TLN1: variants seen among roughly 807,000 people sequenced by gnomAD.
TLN1 encodes talin 1, also known as talin-1.
In TLN1, 56 loss-of-function variants were observed where a neutral mutation model predicts 292.3. The observed-to-expected ratio is 0.19, with a 90% CI of 0.15 to 0.24. TLN1 has a LOEUF of 0.24. Ranked by LOEUF, TLN1 falls within the 10% of genes least tolerant of loss-of-function variation. The pLI is 1.00. For synonymous variants in TLN1, 1,119 were observed against 1,253.7 expected, an observed-to-expected ratio of 0.89 and a Z score of 2.27; for missense variants, 2,433 against 3,248.2, an observed-to-expected ratio of 0.75 and a Z score of 6.10.
rs768737732 is a variant in TLN1 at position 35,717,365 on chromosome 9, C to T, written c.2239G>A (p.Val747Met). 1.5e-5 allele frequency: 25 copies of T among 1,614,188 alleles called. No individual in the cohort carries two copies. The highest frequency in any genetic ancestry group is 2.1e-5 in the Non-Finnish European group (25 of 1,180,028). Reference sequence around the variant, plus strand: ...TGGGAGGCAGACACACAGCCCTCCACGGCTTTGGCTACCAGTCGTCCAGCC... The same window carrying T: ...TGGGAGGCAGACACACAGCCCTCCATGGCTTTGGCTACCAGTCGTCCAGCC... ...VEAGRLVAKA[V>M]EGCVSASQAA... The change falls in exon 19 of 57, where the codon GTG becomes ATG. Residue 747 changes from valine (V) to methionine (M), a missense_variant. Transcript: ENST00000314888. The surrounding 1 kb of genome is among the most constrained non-coding windows in gnomAD (Gnocchi z 4.7).
intron 48 of TLN1, among the ~76,000 whole-genome samples, chr9:35,701,690 T>G (rs1825469343): frequency 1.3e-5 from 2 of 152,200 alleles, no homozygotes; most frequent in South Asian, 4.1e-4. Context: ...AGTTAAGGAC[T>G]GATGATGGTT....
rs760027665 is a variant in TLN1, at chr9:35,700,223, G to A, written c.6628C>T (p.Arg2210Cys). Residue 2210 changes from arginine to cysteine, a missense_variant, in exon 49 of 57, where the codon CGT becomes TGT. This residue lies in a region of TLN1 where 1,384 missense variants were observed against 1,699.6 expected (regional missense o/e 0.81). Coordinates refer to ENST00000314888, the MANE Select transcript of TLN1 (RefSeq NM_006289.4). ...GCCCGAAGCATATCTGCAATAGCAC[G>A]GCGGCTCAGATTGGCTGTGGCAATG... ...DVIATANLSR[R>C]AIADMLRACK... The A allele has an allele frequency of 8.1e-6, 13 of 1,610,812 alleles. No individual in the cohort carries two copies. The highest frequency in any genetic ancestry group is 1.6e-4 in the Middle Eastern group (1 of 6,074).
In TLN1 at chr9:35,705,687, G is replaced by A. The variant is rs902863943; in HGVS notation, c.5614-17C>T. 40 of 1,613,038 alleles carry A rather than the reference G, an allele frequency of 2.5e-5. No individual in the cohort carries two copies. Among genetic ancestry groups the A allele is most frequent in the Non-Finnish European group, 3.1e-5 (37 of 1,179,126 alleles). ...CTTGGTAACCTGGTGATAATGGAAC[G>A]AGTGAAGTTATATCCAAAGTCAGCT... On this transcript the variant is annotated splice_polypyrimidine_tract_variant and intron_variant, in intron 42 of 56. Coordinates refer to ENST00000314888, the MANE Select transcript of TLN1 (RefSeq NM_006289.4).
intron 43 of TLN1, among the ~76,000 whole-genome samples, 169 bp downstream of exon 43, chr9:35,705,382 G>A (rs1419778765): frequency 6.6e-6 from 1 of 152,128 alleles, no homozygotes. Flanking sequence ...GTGACTGAAG[G>A]CTTTGATCCT....
At position 35,724,653 on chromosome 9, in the gene TLN1, T is replaced by C; in HGVS notation, c.430A>G (p.Thr144Ala). Residue 144 changes from threonine to alanine, a missense_variant, in exon 5 of 57, where the codon ACC becomes GCC. This residue lies in a region of TLN1 where 155 missense variants were observed against 287.9 expected (regional missense o/e 0.54). Coordinates refer to ENST00000314888, the MANE Select transcript of TLN1 (RefSeq NM_006289.4). This position sits in a 1 kb window ranked among gnomAD's most constrained non-coding sequence, Gnocchi z 4.7. Reference sequence around the variant, plus strand: ...AGCAATGTCTTGTCCTTTCTTAAGGTCCCTGTTATTTCCTCCTTTTTCTCT... The same window carrying C: ...AGCAATGTCTTGTCCTTTCTTAAGGCCCCTGTTATTTCCTCCTTTTTCTCT... Reference protein sequence around the residue: ...MEEKKEEITGTLRKDKTLLRD... With the variant: ...MEEKKEEITGALRKDKTLLRD... 1.2e-6 allele frequency: 2 copies of C among 1,614,238 alleles called. No individual in the cohort carries two copies. Among genetic ancestry groups the C allele is most frequent in the African/African-American group, 1.3e-5 (1 of 75,052 alleles).
At position 35,719,588 on chromosome 9, in the gene TLN1, T is replaced by C; in HGVS notation, c.1618A>G (p.Lys540Glu). ...TCTACCTGAGAGTGGATCTCATGCT[T>C]TGATTCATCCATCTTGTTTTTACGC... Reference protein sequence around the residue: ...AWRKNKMDESKHEIHSQVDAI... With the variant: ...AWRKNKMDESEHEIHSQVDAI... Residue 540 changes from lysine to glutamate, a missense_variant, in exon 15 of 57, where the codon AAG becomes GAG. Lys to Glu is a moderately conservative substitution (Grantham distance 56, BLOSUM62 1). Around this residue, in one of 7 missense-constraint regions of TLN1, gnomAD observed 617 missense variants for 770.6 expected, o/e 0.80. Coordinates refer to ENST00000314888, the MANE Select transcript of TLN1 (RefSeq NM_006289.4). The surrounding 1 kb of genome is among the most constrained non-coding windows in gnomAD (Gnocchi z 4.6). 6.2e-7 allele frequency: 1 copy of C among 1,614,212 alleles called. No homozygotes were observed. The highest frequency in any genetic ancestry group is 8.5e-7 in the Non-Finnish European group (1 of 1,180,042).
chr9:35,712,235 G>T, intron 27 of TLN1, 111 bp from the exon 28 acceptor site: 1 of 1,393,246 alleles, frequency 7.2e-7, no homozygotes. Context: ...AGTGAAAAAA[G>T]AAAGGGGGCG....
At chr9:35,725,802 G>A (rs947729678) in intron 1 of TLN1, 75 bp from the exon 2 acceptor site, 1 of 1,395,430 alleles carries the variant, frequency 7.2e-7, no homozygotes, top group Non-Finnish European at 9.8e-7. Context: ...TGGAGTCCAA[G>A]GGAAGAGTGT....
chr9:35,715,024 C>G, intron 21 of TLN1, 35 bp downstream of exon 21: 1 of 1,612,484 alleles, frequency 6.2e-7, no homozygotes, highest in Non-Finnish European at 8.5e-7. Context: ...AGCACCCACA[C>G]TCTCTCTTGC....
In TLN1 at chr9:35,699,106, G is replaced by C. The variant is rs1355759744; in HGVS notation, c.6925C>G (p.Leu2309Val). The change falls in exon 52 of 57, where the codon CTC (leucine) becomes GTC (valine). Residue 2309 changes from leucine to valine, a missense_variant. Leu to Val is a conservative substitution (Grantham distance 32). Around this residue, in one of 7 missense-constraint regions of TLN1, gnomAD observed 1,384 missense variants for 1,699.6 expected, o/e 0.81. Coordinates refer to ENST00000314888, the MANE Select transcript of TLN1 (RefSeq NM_006289.4). This position sits in a 1 kb window ranked among gnomAD's most constrained non-coding sequence, Gnocchi z 4.0. ...EDPTVIAENE[L>V]LGAAAAIEAA... The stretch of plus-strand genomic sequence containing the variant: ...TCAATGGCGGCTGCAGCTCCCAGGA[G>C]CTCATTCTCAGCAATGACTGTGGGG... The C allele has an allele frequency of 6.2e-7, 1 of 1,613,842 alleles. No individual in the cohort carries two copies. The highest frequency in any genetic ancestry group is 1.7e-5 in the Admixed American group (1 of 59,960).
At chr9:35,722,000 G>T in intron 9 of TLN1, 119 bp downstream of exon 9, 6 of 1,179,774 alleles carry the variant, frequency 5.1e-6, no homozygotes, top group South Asian at 1.3e-5. Context: ...GCAAGGAAGA[G>T]AATGGGAATC....
At chr9:35,713,108 T>C in intron 26 of TLN1, 65 bp from the exon 27 acceptor site, 4 of 1,571,810 alleles carry the variant, frequency 2.5e-6, no homozygotes, top group Non-Finnish European at 3.5e-6. Context: ...ATTCCAGTGG[T>C]TTCGTCTGTC....
intron 11 of TLN1, 95 bp from the exon 12 acceptor site, chr9:35,720,604 A>G: frequency 7.7e-7 from 1 of 1,291,966 alleles, no homozygotes; most frequent in Non-Finnish European, 1.1e-6. Flanking sequence ...GCCATTTTCC[A>G]GAAGCTGAGT....
At chr9:35,731,762 C>T (rs895008558) in intron 1 of TLN1, among the ~76,000 whole-genome samples, 3 of 152,212 alleles carry the variant, frequency 2.0e-5, no homozygotes, top group Admixed American at 6.5e-5. Flanking sequence ...TAATCCCCAA[C>T]TCACCCAAAG....
At chr9:35,726,414 C>A (rs144505815) in intron 1 of TLN1, among the ~76,000 whole-genome samples, 75 of 152,154 alleles carry the variant, frequency 4.9e-4, no homozygotes, top group Admixed American at 1.8e-3. Flanking sequence ...TCATTTTTGC[C>A]TGGTTCAGTA....
intron 1 of TLN1, among the ~76,000 whole-genome samples, chr9:35,730,352 G>A (rs1455750779): frequency 6.6e-6 from 1 of 152,094 alleles, no homozygotes; most frequent in Non-Finnish European, 1.5e-5. Context: ...TGGGGGTGTG[G>A]TCAGTGGCCT....
intron 8 of TLN1, among the ~76,000 whole-genome samples, 158 bp from the exon 9 acceptor site, chr9:35,722,381 TAA>T (rs1056878670): frequency 6.6e-6 from 1 of 152,088 alleles, no homozygotes; most frequent in Non-Finnish European, 1.5e-5. Flanking sequence ...TGGAGGCTGA[TAA>T]GGGCTATGCA....
chr9:35,722,299 T>C lies in TLN1; in HGVS notation c.844-76A>G, dbSNP rs2131905215. On this transcript the variant is annotated intron_variant, in intron 8 of 56. Coordinates refer to ENST00000314888, the MANE Select transcript of TLN1 (RefSeq NM_006289.4). ...AGGAATTAAGGTTGGATGCTAACTC[T>C]AACGAGAGAGAATTATGGGGACACT... The C allele has an allele frequency of 2.4e-6, 3 of 1,272,870 alleles. No homozygotes were observed. In the South Asian group the frequency reaches 3.6e-5, roughly 15 times the overall value. 78.8% of individuals were successfully genotyped at this position (1,272,870 alleles called of 1,614,324 possible).
rs1825398448 is a variant in TLN1 at position 35,698,091 on chromosome 9, TCTC to T, written c.7450_7452del (p.Glu2484del). The T allele has an allele frequency of 6.2e-7, 1 of 1,613,960 alleles. No homozygotes were observed. The highest frequency in any genetic ancestry group is 1.3e-5 in the African/African-American group (1 of 74,918). On this transcript the variant is annotated inframe_deletion, in exon 56 of 57. Transcript: ENST00000314888. This position sits in a 1 kb window ranked among gnomAD's most constrained non-coding sequence, Gnocchi z 5.3. ...TTCTCTTTCACCACCACTGTCTCATTCTCCTGCTCTTCAAAGGCTGCAGCCTTC... is the reference window on the plus strand; with the variant it reads ...TTCTCTTTCACCACCACTGTCTCATTCTGCTCTTCAAAGGCTGCAGCCTTC...
Sources: allele counts gnomAD v4.1 joint callset (sites outside exome capture counted in the v4.1 genomes callset), GRCh38; gene constraint gnomAD v4.1.1; regional missense constraint gnomAD v4.1.1; non-coding constraint Gnocchi (gnomAD v3.1); transcripts MANE v1.5; gene names NCBI Gene and HGNC (gene_info 2026-07-23, HGNC 2026-07-21).